AKAP19: variants seen among roughly 807,000 people sequenced by gnomAD.
AKAP19 encodes A-kinase anchoring protein 19, also known as small A-kinase anchoring protein.
At chr2:190,180,382 G>A in the AKAP19 span, 6 of 824,814 alleles carry the variant, frequency 7.3e-6, no homozygotes, top group Non-Finnish European at 8.8e-6. This position sits in a 1 kb window ranked among gnomAD's most constrained non-coding sequence, Gnocchi z 6.8. Flanking sequence ...AGGCCTTGGA[G>A]GGCAGCGCCC....
At chr2:189,928,145 A>C in the AKAP19 span, among the ~76,000 whole-genome samples, 1 of 152,122 alleles carries the variant, frequency 6.6e-6, no homozygotes, top group Non-Finnish European at 1.5e-5. Flanking sequence ...CTGTTATTTT[A>C]TGAAATGTGC....
At chr2:189,933,383 AATG>A in the AKAP19 span, among the ~76,000 whole-genome samples, 1 of 110,786 alleles carries the variant, frequency 9.0e-6, no homozygotes, top group East Asian at 2.7e-4. Flanking sequence ...TTGTTGAATA[AATG>A]AATAATACCC....
At chr2:189,881,458 A>G in the AKAP19 span, among the ~76,000 whole-genome samples, 1 of 152,202 alleles carries the variant, frequency 6.6e-6, no homozygotes, top group Admixed American at 6.5e-5. Flanking sequence ...ATGTCCTATG[A>G]AGAGAAAATA....
chr2:190,077,881 C>A, the AKAP19 span, among the ~76,000 whole-genome samples: 1 of 152,142 alleles, frequency 6.6e-6, no homozygotes, highest in Admixed American at 6.6e-5. Context: ...ATTATTAATG[C>A]GTGACCTTTC....
the AKAP19 span, among the ~76,000 whole-genome samples, chr2:189,921,992 T>C: frequency 2.0e-5 from 3 of 152,042 alleles, no homozygotes; most frequent in Admixed American, 1.3e-4. Context: ...TAAAGAAAGA[T>C]AGGGGAAGTA....
chr2:189,991,104 CA>C, the AKAP19 span, among the ~76,000 whole-genome samples: 3 of 152,168 alleles, frequency 2.0e-5, no homozygotes, highest in Non-Finnish European at 2.9e-5. Context: ...GGCTGATGAG[CA>C]TTTAGACTGG....
the AKAP19 span, among the ~76,000 whole-genome samples, chr2:189,909,210 A>G: frequency 1.4e-5 from 2 of 146,140 alleles, no homozygotes; most frequent in South Asian, 4.1e-4. Context: ...TGCATATAAT[A>G]TATATATATT....
the AKAP19 span, among the ~76,000 whole-genome samples, chr2:190,193,642 A>G: frequency 3.3e-5 from 5 of 152,198 alleles, no homozygotes; most frequent in African/African-American, 9.6e-5. Flanking sequence ...AATTGTTTAT[A>G]TTATTCCTGT....
chr2:189,963,465 G>A, the AKAP19 span, among the ~76,000 whole-genome samples: 1 of 152,018 alleles, frequency 6.6e-6, no homozygotes, highest in African/African-American at 2.4e-5. Context: ...AAAATGCTGG[G>A]ATCACAGGCA....
the AKAP19 span, among the ~76,000 whole-genome samples, chr2:190,058,133 C>T: frequency 6.6e-6 from 1 of 151,964 alleles, no homozygotes; most frequent in African/African-American, 2.4e-5. Context: ...ACAATAAAAC[C>T]AGGGCAAAAT....
the AKAP19 span, among the ~76,000 whole-genome samples, chr2:190,045,498 G>A: frequency 6.6e-6 from 1 of 152,142 alleles, no homozygotes; most frequent in Non-Finnish European, 1.5e-5. Context: ...GAAAGCAGCA[G>A]TTTGGCCATG....
the AKAP19 span, among the ~76,000 whole-genome samples, chr2:189,882,225 C>CT: frequency 9.9e-5 from 15 of 152,172 alleles, no homozygotes; most frequent in Admixed American, 9.2e-4. Flanking sequence ...TTAATCTCAC[C>CT]TAAACGTGAT....
chr2:190,146,909 C>T, the AKAP19 span, among the ~76,000 whole-genome samples: 7 of 152,190 alleles, frequency 4.6e-5, no homozygotes, highest in African/African-American at 1.4e-4. Context: ...AGTCCTTTGT[C>T]AGATGTATAG....
the AKAP19 span, among the ~76,000 whole-genome samples, chr2:190,077,651 T>C: frequency 6.6e-6 from 1 of 152,204 alleles, no homozygotes; most frequent in Non-Finnish European, 1.5e-5. Context: ...TGACTGTTTT[T>C]TCCCCTTAGT....
chr2:189,940,276 C>T, the AKAP19 span, among the ~76,000 whole-genome samples: 1 of 134,778 alleles, frequency 7.4e-6, no homozygotes, highest in East Asian at 2.1e-4. Context: ...AAGACTTCAT[C>T]TCAAAAAAAA....
At chr2:189,988,862 T>G in the AKAP19 span, among the ~76,000 whole-genome samples, 1 of 152,350 alleles carries the variant, frequency 6.6e-6, no homozygotes, top group South Asian at 2.1e-4. Context: ...TTTGTGCAAC[T>G]TCTGCCTCAT....
the AKAP19 span, among the ~76,000 whole-genome samples, chr2:190,021,391 G>A: frequency 6.6e-6 from 1 of 152,080 alleles, no homozygotes; most frequent in African/African-American, 2.4e-5. Context: ...GTATTCCCTA[G>A]TAGTTTGTTT....
chr2:190,016,424 A>G, the AKAP19 span, among the ~76,000 whole-genome samples: 5 of 152,196 alleles, frequency 3.3e-5, 1 homozygote, highest in Admixed American at 6.5e-5. Context: ...TATCAAAAGA[A>G]CAGCATGGGG....
the AKAP19 span, among the ~76,000 whole-genome samples, chr2:190,021,809 T>G: frequency 6.6e-6 from 1 of 152,250 alleles, no homozygotes; most frequent in Non-Finnish European, 1.5e-5. Flanking sequence ...TTATCCTTTT[T>G]AGGTGTTGCC....
Sources: allele counts gnomAD v4.1 joint callset (sites outside exome capture counted in the v4.1 genomes callset), GRCh38; gene constraint gnomAD v4.1.1; non-coding constraint Gnocchi (gnomAD v3.1); transcripts MANE v1.5; gene names NCBI Gene and HGNC (gene_info 2026-07-23, HGNC 2026-07-21).